The following CDH22 variants were observed in gnomAD, a reference collection of about 807,000 sequenced individuals.
CDH22 encodes the protein cadherin 22.
A neutral mutation model predicts 58.4 loss-of-function variants in CDH22; 30 were observed. That is an observed-to-expected ratio of 0.51 (90% CI 0.38 to 0.70). The LOEUF (loss-of-function observed/expected upper bound fraction) is 0.70, where lower values mean the gene tolerates loss of function less well. Ranked by LOEUF, CDH22 falls within the 30% of genes least tolerant of loss-of-function variation. CDH22 has a pLI of 0.00. For synonymous variants in CDH22, 513 were observed against 558.2 expected, an observed-to-expected ratio of 0.92 and a Z score of 1.14; for missense variants, 1,014 against 1,233.9, an observed-to-expected ratio of 0.82 and a Z score of 2.67.
chr20:46,228,273 A>G (rs916918209), intron 3 of CDH22, among the ~76,000 whole-genome samples: 2 of 152,110 alleles, frequency 1.3e-5, no homozygotes, highest in Non-Finnish European at 2.9e-5. Context: ...TCCCTTTGGA[A>G]AGTTGTTGGC....
rs149146753 is a variant in CDH22, at chr20:46,230,681, G to C, written c.551-3054C>G. Among the ~76,000 whole-genome samples, 1,227 of 152,210 alleles carry C rather than the reference G, an allele frequency of 8.1e-3. 15 individuals carry two copies. Among genetic ancestry groups the C allele is most frequent in the African/African-American group, 0.028 (1,181 of 41,502 alleles). ...TGTATATGATAGAATTTACAAAACAGGGCCTTCAGATAAGCTTTTAATATT... is the reference window on the plus strand; with the variant it reads ...TGTATATGATAGAATTTACAAAACACGGCCTTCAGATAAGCTTTTAATATT... On this transcript the variant is annotated intron_variant, in intron 3 of 11. Coordinates refer to ENST00000537909, the MANE Select transcript of CDH22 (RefSeq NM_021248.3).
chr20:46,252,827 C>T (rs1010347104), intron 1 of CDH22, among the ~76,000 whole-genome samples: 3 of 152,226 alleles, frequency 2.0e-5, no homozygotes, highest in Non-Finnish European at 4.4e-5. Context: ...ATAAAAGTGT[C>T]TGTGTGGACA....
chr20:46,227,464 G>A (rs1156530948), intron 4 of CDH22, 44 bp downstream of exon 4: 2 of 1,351,016 alleles, frequency 1.5e-6, no homozygotes, highest in East Asian at 5.0e-5. Context: ...CCCGCCCCTG[G>A]CCCCGCCCCA....
At chr20:46,287,174 G>T in intron 1 of CDH22, among the ~76,000 whole-genome samples, 1 of 151,938 alleles carries the variant, frequency 6.6e-6, no homozygotes. Context: ...ACCTCTTCTG[G>T]GCCTCAGTTT....
chr20:46,299,513 G>A lies in CDH22; in HGVS notation c.-400+8742C>T, dbSNP rs138286315. On this transcript the variant is annotated intron_variant, in intron 1 of 11. Transcript: ENST00000537909. ...GTACACAGCCTGCTCATGTAGTCAC[G>A]TTTGTGTGAGCACGCAGGTGCGTAC... Among the ~76,000 whole-genome samples, 457 of 152,346 alleles carry A rather than the reference G, an allele frequency of 3.0e-3. 1 individual carries two copies. Among genetic ancestry groups the A allele is most frequent in the Non-Finnish European group, 4.4e-3 (297 of 68,040 alleles).
rs373409577 is a variant in CDH22 at position 46,213,185 on chromosome 20, A to G, written c.842T>C (p.Met281Thr). 6.2e-7 allele frequency: 1 copy of G among 1,613,798 alleles called. No homozygotes were observed. Among genetic ancestry groups the G allele is most frequent in the South Asian group, 1.1e-5 (1 of 91,046 alleles). ...NDNPPRFPQK[M>T]YQFSIQESAP... The stretch of plus-strand genomic sequence containing the variant: ...TGACTCCTGGATGCTGAACTGGTAC[A>G]TCTCTGTGGGGGACACGGCCATGAG... The change falls in exon 6 of 12, where the codon ATG becomes ACG. Residue 281 changes from methionine (M) to threonine (T), a missense_variant. Around this residue, in one of 2 missense-constraint regions of CDH22, gnomAD observed 806 missense variants for 1,038.7 expected, o/e 0.78. Coordinates refer to ENST00000537909, the MANE Select transcript of CDH22 (RefSeq NM_021248.3).
Position 46,251,325 on chromosome 20 carries a change from G to T in CDH22, c.-31C>A, listed in dbSNP as rs1203917096. On this transcript the variant is annotated 5_prime_UTR_variant, in exon 2 of 12. Transcript: ENST00000537909. The surrounding 1 kb of genome is among the most constrained non-coding windows in gnomAD (Gnocchi z 6.7). ...GCCTGCGCGGGGCTGGGGCCCAGGA[G>T]CATGGACGAGAGGCACCAGGGCGCC... The T allele has an allele frequency of 7.0e-7, 1 of 1,423,910 alleles. No individual in the cohort carries two copies. Among genetic ancestry groups the T allele is most frequent in the Non-Finnish European group, 9.1e-7 (1 of 1,097,776 alleles). The allele number at this position is 1,423,910 out of a possible 1,614,324, so 88.2% of individuals were successfully genotyped here.
At chr20:46,306,721 C>T (rs1042501548) in intron 1 of CDH22, among the ~76,000 whole-genome samples, 1 of 151,334 alleles carries the variant, frequency 6.6e-6, no homozygotes, top group Non-Finnish European at 1.5e-5. Flanking sequence ...GAAGATGGGT[C>T]GGGGTTGGGG....
intron 1 of CDH22, among the ~76,000 whole-genome samples, chr20:46,286,691 G>GA (rs1204504204): frequency 6.6e-6 from 1 of 152,180 alleles, no homozygotes; most frequent in Non-Finnish European, 1.5e-5. Context: ...GGCTGAGTGA[G>GA]AGGGGGTGGG....
In CDH22 at chr20:46,174,367, C is replaced by T. The variant is rs1415486052; in HGVS notation, c.*139G>A. 1 of 596,806 alleles carries T rather than the reference C, an allele frequency of 1.7e-6. No homozygotes were observed. The highest frequency in any genetic ancestry group is 2.8e-6 in the Non-Finnish European group (1 of 360,758). 37.0% of individuals were successfully genotyped at this position (596,806 alleles called of 1,614,324 possible). On this transcript the variant is annotated 3_prime_UTR_variant, in exon 12 of 12. Coordinates refer to ENST00000537909, the MANE Select transcript of CDH22 (RefSeq NM_021248.3). The surrounding 1 kb of genome is among the most constrained non-coding windows in gnomAD (Gnocchi z 4.4). ...GAGGAATGGAAGAGTCCGCTCCTAG[C>T]AAGTCCCCCCTCCGTCCAGCCGCCA...
At chr20:46,250,434 G>T (rs1393409578) in intron 2 of CDH22, among the ~76,000 whole-genome samples, 1 of 152,214 alleles carries the variant, frequency 6.6e-6, no homozygotes, top group Non-Finnish European at 1.5e-5. Context: ...GGGCAAGAAG[G>T]GTTTCTCTGA....
chr20:46,221,214 C>G (rs1350774903), intron 4 of CDH22, among the ~76,000 whole-genome samples: 2 of 151,970 alleles, frequency 1.3e-5, no homozygotes, highest in African/African-American at 4.8e-5. Flanking sequence ...CAAGCTGACA[C>G]ACCAAATTGT....
At chr20:46,268,049 TACCAGATATTGGAC>T (rs1358504710) in intron 1 of CDH22, among the ~76,000 whole-genome samples, 2 of 152,256 alleles carry the variant, frequency 1.3e-5, no homozygotes, top group Non-Finnish European at 1.5e-5. Context: ...TCCATGTATC[TACCAGATATTGGAC>T]ATGGGTTTCT....
chr20:46,272,504 T>A (rs2145758691), intron 1 of CDH22, among the ~76,000 whole-genome samples: 2 of 152,218 alleles, frequency 1.3e-5, no homozygotes, highest in South Asian at 4.2e-4. Context: ...GGTCCAGAAG[T>A]GAGCCCTGGG....
intron 7 of CDH22, among the ~76,000 whole-genome samples, chr20:46,205,686 G>A (rs892808538): frequency 6.6e-6 from 1 of 152,150 alleles, no homozygotes; most frequent in Non-Finnish European, 1.5e-5. Flanking sequence ...GGGCCCATCT[G>A]AGCACTTTCC....
intron 4 of CDH22, among the ~76,000 whole-genome samples, chr20:46,226,071 C>T (rs1409625047): frequency 6.6e-6 from 1 of 152,054 alleles, no homozygotes; most frequent in Non-Finnish European, 1.5e-5. Flanking sequence ...AGTCAGGCCC[C>T]TGCCACCCTC....
intron 1 of CDH22, among the ~76,000 whole-genome samples, chr20:46,292,916 T>TTGTGTGTGTGTGTGTGTGTG (rs74176860): frequency 2.1e-5 from 3 of 143,922 alleles, no homozygotes; most frequent in Admixed American, 2.1e-4. Context: ...CAGCCACTGG[T>TTGTGTGTGTGTGTGTGTGTG]TGTGTGTGTG....
intron 10 of CDH22, among the ~76,000 whole-genome samples, chr20:46,181,876 G>C (rs1398331009): frequency 6.7e-6 from 1 of 149,520 alleles, no homozygotes; most frequent in Non-Finnish European, 1.5e-5. Context: ...GAGTGCAGTG[G>C]TGCAATCTTG....
intron 1 of CDH22, among the ~76,000 whole-genome samples, chr20:46,265,100 C>T (rs887698027): frequency 3.4e-4 from 51 of 152,214 alleles, no homozygotes; most frequent in African/African-American, 1.2e-3. Context: ...GTAGAAATTA[C>T]ATCCCGAGCT....
Sources: allele counts gnomAD v4.1 joint callset (sites outside exome capture counted in the v4.1 genomes callset), GRCh38; gene constraint gnomAD v4.1.1; regional missense constraint gnomAD v4.1.1; non-coding constraint Gnocchi (gnomAD v3.1); transcripts MANE v1.5; gene names NCBI Gene and HGNC (gene_info 2026-07-23, HGNC 2026-07-21).